CACNA1C: variants seen among roughly 807,000 people sequenced by gnomAD.
CACNA1C encodes the protein voltage-dependent L-type calcium channel subunit alpha-1C.
In CACNA1C, 30 loss-of-function variants were observed where a neutral mutation model predicts 229.0. The ratio of observed to expected loss-of-function variants is 0.13; its 90% CI spans 0.10 to 0.18. CACNA1C has a LOEUF of 0.18. Ranked by LOEUF, CACNA1C falls within the 10% of genes least tolerant of loss-of-function variation. CACNA1C has a pLI of 1.00. For missense variants in CACNA1C, 1,658 were observed against 2,845.0 expected, an observed-to-expected ratio of 0.58 and a Z score of 9.49; for synonymous variants, 1,114 against 1,132.5, an observed-to-expected ratio of 0.98 and a Z score of 0.33.
chr12:2,665,784 A>G lies in CACNA1C; in HGVS notation c.4526+76A>G. On this transcript the variant is annotated intron_variant, in intron 36 of 46. Transcript: ENST00000399655. This position sits in a 1 kb window ranked among gnomAD's most constrained non-coding sequence, Gnocchi z 5.9. ...CTGACCATACCTGCAGGAGGGGCTC[A>G]AGGTTGGCCAACACTGGGTGGATCA... is the stretch of plus-strand genomic sequence containing the variant. The G allele has an allele frequency of 6.9e-7, 1 of 1,450,052 alleles. No individual in the cohort carries two copies. Among genetic ancestry groups the G allele is most frequent in the African/African-American group, 1.4e-5 (1 of 70,506 alleles). 89.8% of individuals were successfully genotyped at this position (1,450,052 alleles called of 1,614,324 possible).
At chr12:2,558,708 C>T (rs2045871081) in intron 11 of CACNA1C, among the ~76,000 whole-genome samples, 1 of 152,234 alleles carries the variant, frequency 6.6e-6, no homozygotes, top group Non-Finnish European at 1.5e-5. Flanking sequence ...AGCAACTCCC[C>T]ACCAACCTCT....
chr12:2,062,487 C>G (rs2057863268), intron 1 of CACNA1C, among the ~76,000 whole-genome samples: 1 of 152,150 alleles, frequency 6.6e-6, no homozygotes, highest in Non-Finnish European at 1.5e-5. Context: ...AAAGAGAAAC[C>G]CACTATCTCT....
intron 9 of CACNA1C, among the ~76,000 whole-genome samples, chr12:2,525,872 T>C (rs1339158481): frequency 6.6e-6 from 1 of 152,212 alleles, no homozygotes; most frequent in African/African-American, 2.4e-5. Context: ...TACTGAACTG[T>C]TAATCACCGT....
intron 3 of CACNA1C, among the ~76,000 whole-genome samples, chr12:2,276,540 C>G (rs1014435670): frequency 6.6e-6 from 1 of 152,226 alleles, no homozygotes; most frequent in South Asian, 2.1e-4. Context: ...AGCGAGGTCC[C>G]TTATGCTTCT....
intron 14 of CACNA1C, among the ~76,000 whole-genome samples, chr12:2,582,026 T>G (rs539511427): frequency 2.0e-5 from 3 of 151,746 alleles, no homozygotes; most frequent in Non-Finnish European, 4.4e-5. Flanking sequence ...TATAAGTGGT[T>G]TAAAAATGCC....
intron 3 of CACNA1C, among the ~76,000 whole-genome samples, chr12:2,438,359 A>ATGATGATGGTGGTGGTGG (rs1555574733): frequency 7.3e-6 from 1 of 137,158 alleles, no homozygotes; most frequent in African/African-American, 2.8e-5. Flanking sequence ...GGTGGTGGTA[A>ATGATGATGGTGGTGGTGG]TGATGGTGGT....
intron 9 of CACNA1C, among the ~76,000 whole-genome samples, chr12:2,533,959 G>A (rs1046889300): frequency 3.9e-5 from 6 of 152,176 alleles, no homozygotes; most frequent in Non-Finnish European, 2.9e-5. Flanking sequence ...AGAACCATAT[G>A]TGTCAGCACA....
chr12:2,371,839 G>C lies in CACNA1C; in HGVS notation c.478-77137G>C, dbSNP rs190947087. ...TCCAGATCCACATTTCTACCTGGATGATGGGCTCTGTCACCAGGCCAAAGA... is the reference window on the plus strand; with the variant it reads ...TCCAGATCCACATTTCTACCTGGATCATGGGCTCTGTCACCAGGCCAAAGA... On this transcript the variant is annotated intron_variant, in intron 3 of 46. Coordinates refer to ENST00000399655, the MANE Select transcript of CACNA1C (RefSeq NM_000719.7). Among the ~76,000 whole-genome samples, 160 of 150,474 alleles carry C rather than the reference G, an allele frequency of 1.1e-3. 2 individuals carry two copies. The highest frequency in any genetic ancestry group is 2.9e-3 in the Admixed American group (44 of 15,060).
chr12:2,565,907 G>A (rs191788428), intron 11 of CACNA1C, among the ~76,000 whole-genome samples: 4 of 152,290 alleles, frequency 2.6e-5, no homozygotes, highest in African/African-American at 9.6e-5. Flanking sequence ...GATATTGGTC[G>A]AGTACTCAAC....
intron 8 of CACNA1C, among the ~76,000 whole-genome samples, chr12:2,507,440 C>A (rs567763605): frequency 4.1e-4 from 63 of 152,298 alleles, no homozygotes; most frequent in African/African-American, 1.5e-3. Flanking sequence ...TCAGAGGCAA[C>A]GGTTTCCAGT....
chr12:2,245,432 T>C (rs1422347435), intron 3 of CACNA1C, among the ~76,000 whole-genome samples: 2 of 152,190 alleles, frequency 1.3e-5, no homozygotes, highest in Non-Finnish European at 2.9e-5. Context: ...TCAGGTGCTT[T>C]ATAATAAACC....
intron 1 of CACNA1C, among the ~76,000 whole-genome samples, chr12:2,019,664 T>C (rs1166149555): frequency 6.6e-6 from 1 of 152,040 alleles, no homozygotes; most frequent in Non-Finnish European, 1.5e-5. Context: ...TAATGTAACA[T>C]GGTATTTTTG....
intron 1 of CACNA1C, among the ~76,000 whole-genome samples, chr12:2,085,644 C>T (rs949957637): frequency 5.9e-5 from 9 of 152,138 alleles, no homozygotes; most frequent in African/African-American, 1.7e-4. Context: ...GACTCTGATC[C>T]GTCTTGCCTA....
At chr12:2,476,859 C>G (rs1007350182) in intron 5 of CACNA1C, among the ~76,000 whole-genome samples, 6 of 152,202 alleles carry the variant, frequency 3.9e-5, no homozygotes, top group African/African-American at 1.4e-4. Flanking sequence ...TAAGGACACT[C>G]TAATGAGAAC....
chr12:2,569,655 A>G (rs2053280534), intron 13 of CACNA1C, among the ~76,000 whole-genome samples: 1 of 152,214 alleles, frequency 6.6e-6, no homozygotes, highest in Non-Finnish European at 1.5e-5. Context: ...ATAATATTCC[A>G]TTGTAGGGAT....
chr12:2,416,192 T>G (rs2098895370), intron 3 of CACNA1C, among the ~76,000 whole-genome samples: 1 of 152,018 alleles, frequency 6.6e-6, no homozygotes, highest in Non-Finnish European at 1.5e-5. Context: ...TTCACTCATT[T>G]ACCGTCCTTC....
At chr12:2,135,504 T>C (rs11610495) in intron 3 of CACNA1C, among the ~76,000 whole-genome samples, 1 of 128,440 alleles carries the variant, frequency 7.8e-6, no homozygotes, top group Non-Finnish European at 1.6e-5. Flanking sequence ...GTCCTTTCTG[T>C]TTGTTAGTTT....
chr12:2,433,706 G>A (rs1029086542), intron 3 of CACNA1C, among the ~76,000 whole-genome samples: 2 of 152,142 alleles, frequency 1.3e-5, no homozygotes, highest in African/African-American at 4.8e-5. Flanking sequence ...AAGTCTGGAA[G>A]TTCTTTCTTG....
intron 1 of CACNA1C, among the ~76,000 whole-genome samples, chr12:2,015,463 C>T (rs974694969): frequency 1.3e-5 from 2 of 152,158 alleles, no homozygotes; most frequent in African/African-American, 4.8e-5. Context: ...AATTTGTAGG[C>T]ATTCAAGCTA....
Sources: gnomAD v4.1 joint callset for allele counts (sites outside exome capture counted in the v4.1 genomes callset) on GRCh38, gnomAD v4.1.1 for gene constraint, Gnocchi (gnomAD v3.1) non-coding constraint, MANE v1.5 for transcripts, NCBI Gene and HGNC (gene_info 2026-07-23, HGNC 2026-07-21) for gene names.